ACSL1: variants seen among roughly 807,000 people sequenced by gnomAD.
The protein encoded by ACSL1 is long-chain-fatty-acid--CoA ligase 1.
ACSL1 carries 41 observed loss-of-function variants against 98.4 expected under a neutral mutation model. The observed-to-expected ratio is 0.42, with a 90% CI of 0.32 to 0.54. ACSL1 has a LOEUF of 0.54. Among genes scored for constraint, ACSL1 ranks in the 20% least tolerant of loss-of-function variants. The pLI is 0.13. For synonymous variants in ACSL1, 316 were observed against 322.7 expected, an observed-to-expected ratio of 0.98 and a Z score of 0.22; for missense variants, 734 against 883.1, an observed-to-expected ratio of 0.83 and a Z score of 2.14.
chr4:184,805,830 G>C (rs1056966773), intron 1 of ACSL1: 2 of 152,276 alleles, frequency 1.3e-5, no homozygotes, highest in African/African-American at 4.8e-5. Context: ...GCATCAGTGA[G>C]TGTTGCTGCC....
intron 18 of ACSL1, chr4:184,758,804 G>A (rs1023724006): frequency 6.6e-6 from 1 of 151,668 alleles, no homozygotes; most frequent in Non-Finnish European, 1.5e-5. Flanking sequence ...TAGGGTACAT[G>A]TGCACAACGT....
intron 18 of ACSL1, 145 bp from the exon 19 acceptor site, chr4:184,758,065 C>G (rs1025868302): frequency 1.4e-6 from 1 of 712,964 alleles, no homozygotes; most frequent in Non-Finnish European, 2.3e-6. Context: ...CCCCCTCCCC[C>G]AGGAGTTCAC....
intron 1 of ACSL1, chr4:184,808,240 TACACACAC>T: frequency 4.9e-6 from 4 of 811,602 alleles, no homozygotes; most frequent in South Asian, 5.7e-5. Context: ...TACACAAACA[TACACACAC>T]ACACACACAC....
intron 1 of ACSL1, chr4:184,820,966 C>G: frequency 2.2e-6 from 1 of 453,632 alleles, no homozygotes; most frequent in Non-Finnish European, 4.4e-6. Context: ...AGCACAGACC[C>G]TGAAGCCAGA....
At chr4:184,772,644 C>G (rs192148828) in intron 10 of ACSL1, among the ~76,000 whole-genome samples, 3 of 152,300 alleles carry the variant, frequency 2.0e-5, no homozygotes, top group Admixed American at 2.0e-4. Context: ...TTTACTACTT[C>G]TAGTGCAATG....
intron 12 of ACSL1, among the ~76,000 whole-genome samples, chr4:184,767,283 C>CAAAAAAA (rs59005386): frequency 1.0e-5 from 1 of 95,598 alleles, no homozygotes. Flanking sequence ...GACCCTGTCT[C>CAAAAAAA]AAAAAAAAAA....
chr4:184,796,691 G>C (rs1223850721), intron 2 of ACSL1, among the ~76,000 whole-genome samples: 3 of 152,210 alleles, frequency 2.0e-5, no homozygotes, highest in Non-Finnish European at 4.4e-5. Context: ...TGTAACCAGA[G>C]CATTGGATCA....
intron 2 of ACSL1, 64 bp from the exon 3 acceptor site, chr4:184,788,795 T>A: frequency 8.2e-7 from 1 of 1,218,484 alleles, no homozygotes; most frequent in Non-Finnish European, 1.2e-6. Context: ...GTGGAATGGC[T>A]AAATCAAGCT....
chr4:184,814,277 C>T (rs561229352), intron 1 of ACSL1, among the ~76,000 whole-genome samples: 7 of 115,404 alleles, frequency 6.1e-5, no homozygotes, highest in East Asian at 5.1e-4. Flanking sequence ...GGCGACAGAG[C>T]GAGACTCCGC....
intron 2 of ACSL1, among the ~76,000 whole-genome samples, chr4:184,797,765 G>A (rs955211975): frequency 3.3e-5 from 5 of 152,258 alleles, no homozygotes; most frequent in African/African-American, 7.2e-5. Flanking sequence ...GGGTCCGAGC[G>A]GTACTTCCTG....
rs3840200 is a variant in ACSL1, at chr4:184,780,868, T to TAG, written c.376-436_376-435insCT. Among the ~76,000 whole-genome samples the TAG allele has an allele frequency of 3.6e-3, 548 of 152,320 alleles. 15 individuals are homozygous for TAG. The East Asian group carries it at 0.097, about 27-fold the overall frequency. ...CCTATAAAAAATAAGAGCAAGCTCT[T>TAG]ATCCTTAAGTTCTACAGTTCCATTC... is the stretch of plus-strand genomic sequence containing the variant. On this transcript the variant is annotated intron_variant, in intron 4 of 20. Coordinates refer to ENST00000281455, the MANE Select transcript of ACSL1 (RefSeq NM_001995.5).
Position 184,768,466 on chromosome 4 carries a change from A to T in ACSL1, c.994-16T>A, listed in dbSNP as rs372541850. ...GCATTACACACTATAGGGGTAATGG[A>T]AAAAACAAACATTTTATCACCACAG... On this transcript the variant is annotated splice_polypyrimidine_tract_variant and intron_variant, in intron 11 of 20. Coordinates refer to ENST00000281455, the MANE Select transcript of ACSL1 (RefSeq NM_001995.5). 1.7e-5 allele frequency: 27 copies of T among 1,598,300 alleles called. No individual in the cohort carries two copies. The African/African-American group carries it at 3.7e-4, about 22-fold the overall frequency.
At chr4:184,821,960 T>G (rs1773098803) in intron 1 of ACSL1, among the ~76,000 whole-genome samples, 2 of 152,248 alleles carry the variant, frequency 1.3e-5, no homozygotes, top group South Asian at 4.1e-4. Flanking sequence ...ATTTTTCCTA[T>G]TTCCCAAATT....
At chr4:184,767,171 A>T (rs1342763110) in intron 12 of ACSL1, among the ~76,000 whole-genome samples, 1 of 151,452 alleles carries the variant, frequency 6.6e-6, no homozygotes, top group Non-Finnish European at 1.5e-5. Context: ...GGTCCCAGCT[A>T]CTCAGGAGGC....
rs1770866730 is a variant in ACSL1, at chr4:184,803,424, T to A, written c.91A>T (p.Met31Leu). ...YVRTLPTNTL[M>L]GFGAFAALTT... The stretch of plus-strand genomic sequence containing the variant: ...AGTGCTGCAAAAGCTCCGAAGCCCA[T>A]AAGCGTGTTGGTCGGAAGAGTACGC... Residue 31 changes from methionine (M) to leucine (L), a missense_variant, in exon 2 of 21, where the codon ATG (methionine) becomes TTG (leucine). Transcript: ENST00000281455. This position sits in a 1 kb window ranked among gnomAD's most constrained non-coding sequence, Gnocchi z 4.8. 1 of 1,614,070 alleles carries A rather than the reference T, an allele frequency of 6.2e-7. No homozygotes were observed. The highest frequency in any genetic ancestry group is 8.5e-7 in the Non-Finnish European group (1 of 1,179,990).
chr4:184,788,309 C>A (rs1456711484), intron 3 of ACSL1: 1 of 441,842 alleles, frequency 2.3e-6, no homozygotes, highest in African/African-American at 2.0e-5. Context: ...GGATTGGGCC[C>A]AGTTCAACAG....
chr4:184,773,418 G>A lies in ACSL1; in HGVS notation c.841+245C>T, dbSNP rs1052945326. 2.0e-5 allele frequency among the ~76,000 whole-genome samples: 3 copies of A among 152,144 alleles called. No individual in the cohort carries two copies. The highest frequency in any genetic ancestry group is 1.9e-4 in the East Asian group (1 of 5,194). The stretch of plus-strand genomic sequence containing the variant: ...AGAAATTTTCTTCCTGGGAGCCACC[G>A]ATATAGTCTGTCCTAGGAAGACAGG... On this transcript the variant is annotated intron_variant, in intron 9 of 20. Coordinates refer to ENST00000281455, the MANE Select transcript of ACSL1 (RefSeq NM_001995.5). The surrounding 1 kb of genome is among the most constrained non-coding windows in gnomAD (Gnocchi z 4.3).
chr4:184,763,751 C>T (rs1202430805), intron 15 of ACSL1, among the ~76,000 whole-genome samples: 3 of 152,174 alleles, frequency 2.0e-5, no homozygotes, highest in Non-Finnish European at 4.4e-5. Flanking sequence ...TTTACTAAGA[C>T]GGGACAGTGC....
chr4:184,819,892 C>T (rs796173493), intron 1 of ACSL1, among the ~76,000 whole-genome samples: 2 of 152,118 alleles, frequency 1.3e-5, no homozygotes, highest in South Asian at 2.1e-4. Context: ...TTCTGGTTCA[C>T]GATGGCAATA....
Sources: gnomAD v4.1 joint callset for allele counts (sites outside exome capture counted in the v4.1 genomes callset) on GRCh38, gnomAD v4.1.1 for gene constraint, Gnocchi (gnomAD v3.1) non-coding constraint, MANE v1.5 for transcripts, NCBI Gene and HGNC (gene_info 2026-07-23, HGNC 2026-07-21) for gene names.